The following MBD2 variants were observed in gnomAD, a reference collection of about 807,000 sequenced individuals.
MBD2 encodes methyl-CpG binding domain protein 2, also known as methyl-CpG-binding domain protein 2.
In MBD2, 9 loss-of-function variants were observed where a neutral mutation model predicts 39.3. The ratio of observed to expected loss-of-function variants is 0.23; its 90% CI spans 0.14 to 0.40. The LOEUF is 0.40. Ranked by LOEUF, MBD2 falls within the 10% of genes least tolerant of loss-of-function variation. The pLI is 1.00. For synonymous variants in MBD2, 233 were observed against 211.1 expected, an observed-to-expected ratio of 1.10 and a Z score of -0.90; for missense variants, 458 against 532.6, an observed-to-expected ratio of 0.86 and a Z score of 1.38.
chr18:54,193,741 G>A (rs2086341540), intron 2 of MBD2, among the ~76,000 whole-genome samples: 1 of 152,096 alleles, frequency 6.6e-6, no homozygotes, highest in South Asian at 2.1e-4. Context: ...TTTTCAAGGG[G>A]CCTGGGCAAA....
chr18:54,159,742 C>A, intron 6 of MBD2, 23 bp downstream of exon 6: 1 of 1,599,796 alleles, frequency 6.3e-7, no homozygotes, highest in South Asian at 1.1e-5. Context: ...AGTTCCAAGT[C>A]ACTCTCTCTG....
chr18:54,209,831 CTG>C (rs1333369676), intron 1 of MBD2, among the ~76,000 whole-genome samples: 1 of 152,202 alleles, frequency 6.6e-6, no homozygotes, highest in East Asian at 1.9e-4. Flanking sequence ...AACAAAAAGA[CTG>C]TCACCTAAGT....
intron 2 of MBD2, among the ~76,000 whole-genome samples, chr18:54,197,868 G>A (rs888915878): frequency 1.3e-5 from 2 of 152,176 alleles, no homozygotes; most frequent in Non-Finnish European, 2.9e-5. Flanking sequence ...ATCCCTTGGA[G>A]GGACTTTAGG....
chr18:54,219,816 T>C (rs1475370172), intron 1 of MBD2, among the ~76,000 whole-genome samples: 1 of 152,234 alleles, frequency 6.6e-6, no homozygotes, highest in Non-Finnish European at 1.5e-5. Flanking sequence ...CATATGTATA[T>C]TTGAGACTGT....
At chr18:54,218,822 C>T (rs558124399) in intron 1 of MBD2, among the ~76,000 whole-genome samples, 3 of 152,116 alleles carry the variant, frequency 2.0e-5, no homozygotes, top group African/African-American at 7.2e-5. Flanking sequence ...ATTAGCCAGG[C>T]GTGGTGGTGT....
intron 5 of MBD2, among the ~76,000 whole-genome samples, chr18:54,161,122 C>A (rs2086094829): frequency 6.6e-6 from 1 of 152,124 alleles, no homozygotes; most frequent in Admixed American, 6.5e-5. Context: ...GGGGCTCAAC[C>A]AGCTGCCAAG....
intron 1 of MBD2, among the ~76,000 whole-genome samples, chr18:54,220,204 A>G (rs1234158394): frequency 1.3e-5 from 2 of 152,212 alleles, no homozygotes; most frequent in Non-Finnish European, 2.9e-5. Context: ...GCAAGCAACT[A>G]GAAATGACAG....
intron 6 of MBD2, among the ~76,000 whole-genome samples, chr18:54,158,436 G>A (rs1198248450): frequency 6.6e-6 from 1 of 152,088 alleles, no homozygotes; most frequent in Non-Finnish European, 1.5e-5. Context: ...AAGGAAACTA[G>A]TAAATAATTG....
intron 1 of MBD2, among the ~76,000 whole-genome samples, chr18:54,212,796 G>A (rs554380651): frequency 3.3e-5 from 5 of 152,132 alleles, no homozygotes; most frequent in Middle Eastern, 3.4e-3. Context: ...TTGGGAAGCC[G>A]AGGCGGACAG....
intron 1 of MBD2, among the ~76,000 whole-genome samples, chr18:54,214,248 T>A (rs1348604356): frequency 6.6e-6 from 1 of 151,964 alleles, no homozygotes; most frequent in Non-Finnish European, 1.5e-5. Context: ...CAGGTTGCAG[T>A]GGCGTGGAGC....
intron 2 of MBD2, among the ~76,000 whole-genome samples, chr18:54,193,842 T>C (rs779302081): frequency 2.6e-5 from 4 of 152,096 alleles, no homozygotes; most frequent in African/African-American, 7.2e-5. Context: ...AGGTATTAAA[T>C]CTAGAAGAAA....
intron 3 of MBD2, among the ~76,000 whole-genome samples, chr18:54,174,307 A>G (rs1478117304): frequency 1.3e-5 from 2 of 152,196 alleles, no homozygotes; most frequent in African/African-American, 2.4e-5. Context: ...GGTCCAGAGA[A>G]AGAGAAAAAG....
In MBD2 at chr18:54,152,216, C is replaced by T. The variant is rs1006931267; in HGVS notation, c.*3108G>A. 9 of 152,232 alleles carry T rather than the reference C, an allele frequency of 5.9e-5. No individual in the cohort carries two copies. The highest frequency in any genetic ancestry group is 5.9e-4 in the Admixed American group (9 of 15,272). The allele number at this position is 152,232 out of a possible 1,614,324, so 9.4% of individuals were successfully genotyped here. On this transcript the variant is annotated 3_prime_UTR_variant, in exon 7 of 7. Coordinates refer to ENST00000256429, the MANE Select transcript of MBD2 (RefSeq NM_003927.5). Reference sequence around the variant, plus strand: ...GGAGGTAGCCATTGAGCTGAGACTTCATCAATGATTAGGAATTCACCATGT... The same window carrying T: ...GGAGGTAGCCATTGAGCTGAGACTTTATCAATGATTAGGAATTCACCATGT...
chr18:54,168,613 TTGTGTGTGTGTGTGTGTGTG>T (rs60604906), intron 3 of MBD2, among the ~76,000 whole-genome samples: 3,958 of 117,214 alleles, frequency 0.034, 345 homozygotes, highest in African/African-American at 0.12. Context: ...GTATGCATAT[TTGTGTGTGTGTGTGTGTGTG>T]TGTGTGTGTG....
intron 2 of MBD2, among the ~76,000 whole-genome samples, chr18:54,197,889 G>A (rs1246579199): frequency 1.3e-5 from 2 of 152,180 alleles, no homozygotes; most frequent in African/African-American, 2.4e-5. Flanking sequence ...GCCTAGAAAT[G>A]CTAGACTTAT....
intron 5 of MBD2, 135 bp from the exon 6 acceptor site, chr18:54,160,038 G>T: frequency 1.9e-6 from 2 of 1,026,490 alleles, no homozygotes; most frequent in Non-Finnish European, 2.8e-6. Flanking sequence ...GATTTTTGCA[G>T]AGGTTGCTTC....
At chr18:54,194,667 T>C (rs2086351779) in intron 2 of MBD2, among the ~76,000 whole-genome samples, 1 of 152,036 alleles carries the variant, frequency 6.6e-6, no homozygotes, top group Non-Finnish European at 1.5e-5. Flanking sequence ...TCAATTCTAT[T>C]CCTAGTCTTC....
intron 2 of MBD2, among the ~76,000 whole-genome samples, chr18:54,200,559 C>T (rs761974699): frequency 5.9e-5 from 9 of 152,212 alleles, no homozygotes; most frequent in Non-Finnish European, 4.4e-5. Flanking sequence ...CCTCTCCTCC[C>T]AGTTCCCTGC....
At chr18:54,205,754 G>A (rs1268006981) in intron 1 of MBD2, among the ~76,000 whole-genome samples, 2 of 152,014 alleles carry the variant, frequency 1.3e-5, no homozygotes, top group Admixed American at 6.6e-5. Context: ...CAACTACTGC[G>A]AGAACCTAAA....
Sources: allele counts gnomAD v4.1 joint callset (sites outside exome capture counted in the v4.1 genomes callset), GRCh38; gene constraint gnomAD v4.1.1; transcripts MANE v1.5; gene names NCBI Gene and HGNC (gene_info 2026-07-23, HGNC 2026-07-21).